Variants in ZNF503 observed in about 807,000 individuals in gnomAD.
The protein encoded by ZNF503 is NocA-like zinc finger 2.
A neutral mutation model predicts 34.4 loss-of-function variants in ZNF503; 15 were observed. The ratio of observed to expected loss-of-function variants is 0.44; its 90% CI spans 0.29 to 0.67. The LOEUF (loss-of-function observed/expected upper bound fraction) is 0.67, where lower values mean the gene tolerates loss of function less well. ZNF503 is among the 30% of genes least tolerant of loss of function. ZNF503 has a pLI of 0.13. For missense variants in ZNF503, 1,007 were observed against 926.8 expected (o/e 1.09, Z -1.12); for synonymous variants, 580 against 456.8 (o/e 1.27, Z -3.44).
At chr10:75,381,751 A>G in the ZNF503 span, among the ~76,000 whole-genome samples, 1 of 146,974 alleles carries the variant, frequency 6.8e-6, no homozygotes, top group Non-Finnish European at 1.5e-5. Flanking sequence ...CAGTGGGGGG[A>G]CAAATGGATA....
chr10:75,377,965 A>C, the ZNF503 span, among the ~76,000 whole-genome samples: 2 of 152,134 alleles, frequency 1.3e-5, no homozygotes, highest in African/African-American at 4.8e-5. Context: ...AAGCAGGTAC[A>C]TCTTACATGG....
chr10:75,398,740 C>G lies in ZNF503; in HGVS notation c.*9G>C, dbSNP rs1175171488. 7.3e-7 allele frequency: 1 copy of G among 1,375,886 alleles called. No homozygotes were observed. The highest frequency in any genetic ancestry group is 9.4e-7 in the Non-Finnish European group (1 of 1,069,038). 85.2% of individuals were successfully genotyped at this position (1,375,886 alleles called of 1,614,324 possible). A position where few individuals can be genotyped will look rare whatever the true frequency, so the allele number is the denominator to read the frequency against. The stretch of plus-strand genomic sequence containing the variant: ...CCCTCCTCTCCCTCGCTCGCCCTCC[C>G]GGCCGCCCTCACTGATACCCCAGCG... On this transcript the variant is annotated 3_prime_UTR_variant, in exon 2 of 2. Transcript: ENST00000372524.
chr10:75,398,501 A>T lies in ZNF503; in HGVS notation c.*248T>A. The T allele has an allele frequency of 2.6e-6, 1 of 385,556 alleles. No individual in the cohort carries two copies. The highest frequency in any genetic ancestry group is 4.6e-6 in the Non-Finnish European group (1 of 218,808). The allele number at this position is 385,556 out of a possible 1,614,324, so 23.9% of individuals were successfully genotyped here. On this transcript the variant is annotated 3_prime_UTR_variant, in exon 2 of 2. Coordinates refer to ENST00000372524, the MANE Select transcript of ZNF503 (RefSeq NM_032772.6). ...TTTTTTCCTTTTTTTTTCTATAAAA[A>T]GTCAAATGATATTTTTTCAACTTTT...
chr10:75,390,582 C>T, the ZNF503 span, among the ~76,000 whole-genome samples: 1 of 152,100 alleles, frequency 6.6e-6, no homozygotes, highest in Admixed American at 6.5e-5. Context: ...GAGGGCTTCT[C>T]CAGTAGCACC....
At chr10:75,380,541 G>A in the ZNF503 span, among the ~76,000 whole-genome samples, 55 of 152,134 alleles carry the variant, frequency 3.6e-4, no homozygotes, top group Admixed American at 8.5e-4. Flanking sequence ...CCATAACCCC[G>A]AATGGGCCCT....
At chr10:75,355,392 C>G in the ZNF503 span, among the ~76,000 whole-genome samples, 5 of 152,156 alleles carry the variant, frequency 3.3e-5, no homozygotes, top group African/African-American at 1.2e-4. Flanking sequence ...TTGCATCAAG[C>G]TTGCCACTTA....
chr10:75,356,652 G>A, the ZNF503 span, among the ~76,000 whole-genome samples: 5 of 152,234 alleles, frequency 3.3e-5, no homozygotes, highest in South Asian at 2.1e-4. Flanking sequence ...AGAGTCTACC[G>A]TGTGCCAGCT....
At chr10:75,368,339 A>G in the ZNF503 span, among the ~76,000 whole-genome samples, 2 of 152,192 alleles carry the variant, frequency 1.3e-5, no homozygotes, top group African/African-American at 4.8e-5. Flanking sequence ...AATAAGAATA[A>G]CAAATCTCTG....
chr10:75,363,081 TACAC>T, the ZNF503 span, among the ~76,000 whole-genome samples: 26 of 148,668 alleles, frequency 1.7e-4, no homozygotes, highest in South Asian at 1.1e-3. Context: ...CATGCATGCA[TACAC>T]ACACACACAC....
the ZNF503 span, among the ~76,000 whole-genome samples, chr10:75,318,629 A>G: frequency 6.7e-6 from 1 of 148,978 alleles, no homozygotes; most frequent in East Asian, 2.0e-4. Context: ...TTATTGTGCC[A>G]CTGCACTCCA....
chr10:75,348,669 G>T, the ZNF503 span, among the ~76,000 whole-genome samples: 6 of 151,662 alleles, frequency 4.0e-5, no homozygotes, highest in East Asian at 3.9e-4. Context: ...CTGCCACCAC[G>T]CCCGGCTAAT....
At chr10:75,329,453 T>G in the ZNF503 span, among the ~76,000 whole-genome samples, 1 of 140,574 alleles carries the variant, frequency 7.1e-6, no homozygotes, top group Non-Finnish European at 1.5e-5. Context: ...CTTTCTTTCT[T>G]TCTTTCTCTT....
At position 75,399,661 on chromosome 10, in the gene ZNF503, G is replaced by A. The variant is rs146153347; in HGVS notation, c.1029C>T (p.Tyr343=). 5.2e-5 allele frequency: 83 copies of A among 1,599,570 alleles called. No homozygotes were observed. Among genetic ancestry groups the A allele is most frequent in the Non-Finnish European group, 6.8e-5 (80 of 1,179,616 alleles). ...GAGGGAACACTGTCTGGCCCGGCTT[G>A]TAGGGTGACACGGGAGCCACCAGCC... ...GSGLVAPVSP[Y]KPGQTVFPLP... Residue 343 remains tyrosine, a synonymous_variant, in exon 2 of 2, where the codon TAC becomes TAT. Coordinates refer to ENST00000372524, the MANE Select transcript of ZNF503 (RefSeq NM_032772.6).
the ZNF503 span, among the ~76,000 whole-genome samples, chr10:75,354,554 TA>T: frequency 1.9e-4 from 28 of 145,460 alleles, no homozygotes; most frequent in East Asian, 2.8e-3. Flanking sequence ...CTCTACAAAA[TA>T]AAAAAAAAAA....
At chr10:75,290,944 T>G in the ZNF503 span, among the ~76,000 whole-genome samples, 142 of 152,294 alleles carry the variant, frequency 9.3e-4, 4 homozygotes, top group East Asian at 0.02. Context: ...TGGTTGAGAT[T>G]GTCAAAAAGT....
At chr10:75,370,894 T>C in the ZNF503 span, among the ~76,000 whole-genome samples, 2 of 151,024 alleles carry the variant, frequency 1.3e-5, no homozygotes, top group African/African-American at 4.9e-5. Context: ...CTTCTCTGTC[T>C]CTCTCCAGCC....
the ZNF503 span, among the ~76,000 whole-genome samples, chr10:75,291,284 A>G: frequency 6.6e-6 from 1 of 152,124 alleles, no homozygotes; most frequent in Admixed American, 6.5e-5. Flanking sequence ...CTCTAGTCTA[A>G]CCTAGCTCAT....
the ZNF503 span, among the ~76,000 whole-genome samples, chr10:75,335,425 G>C: frequency 3.2e-4 from 49 of 152,280 alleles, no homozygotes; most frequent in African/African-American, 1.1e-3. Flanking sequence ...GAATAGCAGG[G>C]TAATCTGTGG....
chr10:75,355,987 G>A, the ZNF503 span, among the ~76,000 whole-genome samples: 1 of 152,200 alleles, frequency 6.6e-6, no homozygotes. Context: ...TATCTTGTGT[G>A]TGGCCTCTCC....
Sources: gnomAD v4.1 joint callset for allele counts (sites outside exome capture counted in the v4.1 genomes callset) on GRCh38, gnomAD v4.1.1 for gene constraint, MANE v1.5 for transcripts, NCBI Gene and HGNC (gene_info 2026-07-23, HGNC 2026-07-21) for gene names.